Variants in CCDC3 observed in about 807,000 individuals in gnomAD.
CCDC3 encodes coiled-coil domain containing 3.
A neutral mutation model predicts 21.4 loss-of-function variants in CCDC3; 24 were observed. The ratio of observed to expected loss-of-function variants is 1.12; its 90% CI spans 0.81 to 1.58. The LOEUF is 1.58. CCDC3 is among the 40% of genes most tolerant of loss of function. The pLI is 0.00. For missense variants in CCDC3, 425 were observed against 360.9 expected (o/e 1.18, Z -1.44); for synonymous variants, 186 against 166.0 (o/e 1.12, Z -0.93).
intron 2 of CCDC3, among the ~76,000 whole-genome samples, chr10:12,940,229 GTTTTTTTTT>G (rs34664068): frequency 1.9e-5 from 2 of 105,218 alleles, no homozygotes; most frequent in African/African-American, 3.6e-5. Context: ...CATTGAAATT[GTTTTTTTTT>G]TTTTTTTTTT....
At chr10:12,983,752 T>C (rs188513197) in intron 2 of CCDC3, among the ~76,000 whole-genome samples, 5 of 151,510 alleles carry the variant, frequency 3.3e-5, no homozygotes, top group East Asian at 1.9e-4. Flanking sequence ...GAAAAGATGA[T>C]TGACATCATT....
upstream of CCDC3, among the ~76,000 whole-genome samples, chr10:13,003,141 G>A (rs2782277): frequency 4.8e-3 from 734 of 152,310 alleles, 10 homozygotes; most frequent in African/African-American, 0.017. Context: ...TAGAGAAAGA[G>A]AGCAGGGATC....
At chr10:13,074,113 G>A (rs1195531294) in intron 3 of CCDC3, 2 of 143,704 alleles carry the variant, frequency 1.4e-5, no homozygotes, top group African/African-American at 5.1e-5. Context: ...AGGATTGCAA[G>A]AAACAGAGGA....
chr10:13,030,974 A>T lies in CCDC3; in HGVS notation c.-2+18700T>A, dbSNP rs1248649690. 4.6e-5 allele frequency among the ~76,000 whole-genome samples: 7 copies of T among 152,114 alleles called. No homozygotes were observed. In the East Asian group the frequency reaches 5.8e-4, roughly 13 times the overall value. On this transcript the variant is annotated intron_variant, in intron 5 of 6. Transcript: ENST00000378839. ...TAACACGGATATCCAGGAATTGAAC[A>T]CAGCTCTGCACCAAGCAGACCTAAT... is the stretch of plus-strand genomic sequence containing the variant.
At chr10:12,943,632 T>G (rs966352506) in intron 2 of CCDC3, among the ~76,000 whole-genome samples, 1 of 152,126 alleles carries the variant, frequency 6.6e-6, no homozygotes, top group Non-Finnish European at 1.5e-5. Flanking sequence ...CCCATCTGCA[T>G]AACAACAGAT....
chr10:12,954,601 G>C (rs1382723141), intron 2 of CCDC3, among the ~76,000 whole-genome samples: 3 of 152,154 alleles, frequency 2.0e-5, no homozygotes, highest in African/African-American at 7.2e-5. Flanking sequence ...GAAAGCAAGA[G>C]AGAAGGGAGG....
Position 12,958,861 on chromosome 10 carries a change from CT to C in CCDC3, c.549+39476del, listed in dbSNP as rs149630315. Among the ~76,000 whole-genome samples the C allele has an allele frequency of 5.3e-3, 814 of 152,290 alleles. 12 individuals are homozygous for C. The highest frequency in any genetic ancestry group is 0.019 in the African/African-American group (778 of 41,570). ...CCCTATGGTTCCAGCAAAGGTCTCA[CT>C]GCCTGGCTTAGGTCCCCACCTGTTC... On this transcript the variant is annotated intron_variant, in intron 2 of 2. Transcript: ENST00000378825.
chr10:13,097,889 A>T (rs1262320847), intron 3 of CCDC3, among the ~76,000 whole-genome samples: 1 of 152,240 alleles, frequency 6.6e-6, no homozygotes, highest in Non-Finnish European at 1.5e-5. Flanking sequence ...AAACAAATTT[A>T]AAAATCACAT....
chr10:12,996,845 T>C (rs1234492372), intron 2 of CCDC3, among the ~76,000 whole-genome samples: 1 of 152,024 alleles, frequency 6.6e-6, no homozygotes, highest in Non-Finnish European at 1.5e-5. Context: ...ACCCAAACAC[T>C]GCATGTTCTC....
chr10:13,021,607 C>T (rs1273177846), intron 5 of CCDC3, among the ~76,000 whole-genome samples: 2 of 152,194 alleles, frequency 1.3e-5, no homozygotes, highest in African/African-American at 4.8e-5. Context: ...GAATGATCTG[C>T]CCTCTGAATG....
rs1834008467 is a variant in CCDC3, at chr10:12,896,773, A to C, written c.*1643T>G. The C allele has an allele frequency of 6.5e-6, 1 of 152,868 alleles. No individual in the cohort carries two copies. Among genetic ancestry groups the C allele is most frequent in the Non-Finnish European group, 1.5e-5 (1 of 68,118 alleles). 9.5% of individuals were successfully genotyped at this position (152,868 alleles called of 1,614,324 possible). On this transcript the variant is annotated 3_prime_UTR_variant, in exon 3 of 3. Coordinates refer to ENST00000378825, the MANE Select transcript of CCDC3 (RefSeq NM_031455.4). ...CGGGGGCGCAAAACTGCTTTGAGGAAATGTCCCCAGGAGGAATAAACTAGA... is the reference window on the plus strand; with the variant it reads ...CGGGGGCGCAAAACTGCTTTGAGGACATGTCCCCAGGAGGAATAAACTAGA...
chr10:12,912,013 T>TAC (rs1370852252), intron 2 of CCDC3, among the ~76,000 whole-genome samples: 8 of 152,248 alleles, frequency 5.3e-5, no homozygotes, highest in Non-Finnish European at 8.8e-5. Flanking sequence ...ACTGAGTATA[T>TAC]ACACATCATG....
At chr10:12,947,556 C>A (rs1393074985) in intron 2 of CCDC3, among the ~76,000 whole-genome samples, 1 of 152,170 alleles carries the variant, frequency 6.6e-6, no homozygotes, top group Non-Finnish European at 1.5e-5. Context: ...TTTGTCACCT[C>A]AGCTACAGGC....
rs535152306 is a variant in CCDC3 at position 13,092,563 on chromosome 10, T to C, written c.-503+5962A>G. Among the ~76,000 whole-genome samples, 201 of 152,350 alleles carry C rather than the reference T, an allele frequency of 1.3e-3. 2 individuals carry two copies. Among genetic ancestry groups the C allele is most frequent in the African/African-American group, 4.5e-3 (188 of 41,584 alleles). ...TCAGATCAAATTAACTTGGTAAGAA[T>C]TGCTTTCTGTAAAGCTAACTCACAT... On this transcript the variant is annotated intron_variant, in intron 3 of 6. Coordinates refer to the CCDC3 transcript ENST00000378839.
chr10:12,897,108 G>C lies in CCDC3; in HGVS notation c.*1308C>G, dbSNP rs544256070. ...CTGCAGTGTCTGGGGGGGGTCTCTG[G>C]GGGGCAGATCCTGATGAGAGGCCAG... is the stretch of plus-strand genomic sequence containing the variant. On this transcript the variant is annotated 3_prime_UTR_variant, in exon 3 of 3. Transcript: ENST00000378825. The C allele has an allele frequency of 2.0e-5, 3 of 152,980 alleles. No homozygotes were observed. Among genetic ancestry groups the C allele is most frequent in the South Asian group, 4.1e-4 (2 of 4,822 alleles). The allele number at this position is 152,980 out of a possible 1,614,324, so 9.5% of individuals were successfully genotyped here.
At chr10:12,922,698 A>G (rs184860127) in intron 2 of CCDC3, among the ~76,000 whole-genome samples, 19 of 151,788 alleles carry the variant, frequency 1.3e-4, no homozygotes, top group Non-Finnish European at 2.5e-4. Flanking sequence ...CAGGATGTTT[A>G]TGTTTTCCCC....
At chr10:13,022,938 C>T (rs1836165210) in intron 5 of CCDC3, among the ~76,000 whole-genome samples, 1 of 152,028 alleles carries the variant, frequency 6.6e-6, no homozygotes, top group South Asian at 2.1e-4. Flanking sequence ...AGATATAGCA[C>T]AAGTTGACCA....
intron 2 of CCDC3, among the ~76,000 whole-genome samples, chr10:12,983,159 TATATATATATATATAA>T: frequency 1.3e-5 from 1 of 76,306 alleles, no homozygotes; most frequent in African/African-American, 4.9e-5. Context: ...TATATATATA[TATATATATATATATAA>T]AATCTATAGC....
At chr10:12,944,701 A>G (rs911993487) in intron 2 of CCDC3, among the ~76,000 whole-genome samples, 4 of 152,240 alleles carry the variant, frequency 2.6e-5, no homozygotes, top group East Asian at 1.9e-4. Flanking sequence ...GTTTAGAAAT[A>G]TAATACAGAC....
Sources: gnomAD v4.1 joint callset for allele counts (sites outside exome capture counted in the v4.1 genomes callset) on GRCh38, gnomAD v4.1.1 for gene constraint, MANE v1.5 for transcripts, NCBI Gene and HGNC (gene_info 2026-07-23, HGNC 2026-07-21) for gene names.